The following MYO3B variants were observed in gnomAD, a reference collection of about 807,000 sequenced individuals.
MYO3B encodes myosin IIIB.
In MYO3B, 156 loss-of-function variants were observed where a neutral mutation model predicts 174.6. The observed-to-expected ratio is 0.89, with a 90% CI of 0.78 to 1.02. MYO3B has a LOEUF of 1.02. MYO3B is among the 50% of genes least tolerant of loss of function. The pLI is 0.00. For missense variants in MYO3B, 1,632 were observed against 1,639.4 expected, an observed-to-expected ratio of 1.00 and a Z score of 0.08; for synonymous variants, 563 against 569.1, an observed-to-expected ratio of 0.99 and a Z score of 0.15.
intron 18 of MYO3B, among the ~76,000 whole-genome samples, chr2:170,402,086 C>T (rs1264198362): frequency 6.6e-6 from 1 of 152,212 alleles, no homozygotes; most frequent in Admixed American, 6.5e-5. Context: ...ATAGTCTTGG[C>T]TGGGAGCTGG....
At chr2:170,455,222 G>A (rs529196540) in intron 23 of MYO3B, among the ~76,000 whole-genome samples, 1 of 152,326 alleles carries the variant, frequency 6.6e-6, no homozygotes, top group Non-Finnish European at 1.5e-5. Context: ...TTTGTTTTGG[G>A]AAAGGGCTGT....
Position 170,400,254 on chromosome 2 carries a change from A to T in MYO3B, c.1858A>T (p.Ile620Phe). The T allele has an allele frequency of 6.2e-7, 1 of 1,614,048 alleles. No homozygotes were observed. The change falls in exon 17 of 35, where the codon ATT becomes TTT. Residue 620 changes from isoleucine (I) to phenylalanine (F), a missense_variant. Transcript: ENST00000408978. Reference protein sequence around the residue: ...LNIGNIEFAAISSQHQTDKSE... With the variant: ...LNIGNIEFAAFSSQHQTDKSE... ...TATTGGGAACATTGAGTTCGCAGCT[A>T]TTTCCTCTCAACATCAGACTGATAA... is the stretch of plus-strand genomic sequence containing the variant.
intron 7 of MYO3B, among the ~76,000 whole-genome samples, chr2:170,272,888 A>G (rs759713048): frequency 2.6e-5 from 4 of 152,218 alleles, no homozygotes; most frequent in Admixed American, 1.3e-4. Context: ...CTATTCTGGT[A>G]TAATGAACAG....
chr2:170,435,456 T>A (rs923323309), intron 22 of MYO3B, among the ~76,000 whole-genome samples: 1 of 152,158 alleles, frequency 6.6e-6, no homozygotes, highest in South Asian at 2.1e-4. Context: ...TGCCTGGGCT[T>A]GGAGACTCCT....
intron 7 of MYO3B, 103 bp from the exon 8 acceptor site, chr2:170,335,282 A>C: frequency 1.1e-6 from 1 of 883,374 alleles, no homozygotes; most frequent in Non-Finnish European, 1.8e-6. Context: ...GAACAAACAG[A>C]TTTTATTAGA....
chr2:170,228,650 C>T (rs1200107957), intron 6 of MYO3B, among the ~76,000 whole-genome samples: 2 of 152,120 alleles, frequency 1.3e-5, no homozygotes, highest in Non-Finnish European at 1.5e-5. Flanking sequence ...CTCTTCTACC[C>T]TCCACTAGCT....
chr2:170,274,442 GA>G (rs2093448517), intron 7 of MYO3B, among the ~76,000 whole-genome samples: 1 of 152,172 alleles, frequency 6.6e-6, no homozygotes, highest in African/African-American at 2.4e-5. Context: ...TTAGCACAAG[GA>G]TTCTACTCAC....
At position 170,432,170 on chromosome 2, in the gene MYO3B, T is replaced by G. The variant is rs180779606; in HGVS notation, c.2651-11797T>G. On this transcript the variant is annotated intron_variant, in intron 22 of 34. Transcript: ENST00000408978. ...TACTTATTTTTTTTTAAGTTAACTATAAAACTGCCTCAGGCAGGTTCTTTA... is the reference window on the plus strand; with the variant it reads ...TACTTATTTTTTTTTAAGTTAACTAGAAAACTGCCTCAGGCAGGTTCTTTA... Among the ~76,000 whole-genome samples the G allele has an allele frequency of 7.4e-3, 1,131 of 152,322 alleles. 22 individuals are homozygous for G. The highest frequency in any genetic ancestry group is 0.025 in the African/African-American group (1,055 of 41,568).
At chr2:170,234,681 A>T (rs952068378) in intron 6 of MYO3B, among the ~76,000 whole-genome samples, 1 of 152,092 alleles carries the variant, frequency 6.6e-6, no homozygotes, top group African/African-American at 2.4e-5. Flanking sequence ...TCCACTCTTC[A>T]CCCCAAACCT....
intron 32 of MYO3B, among the ~76,000 whole-genome samples, chr2:170,563,305 C>G (rs944317739): frequency 4.0e-5 from 6 of 151,458 alleles, no homozygotes; most frequent in African/African-American, 1.2e-4. Flanking sequence ...CTCCAAGGAC[C>G]AATGAGAGTA....
intron 30 of MYO3B, among the ~76,000 whole-genome samples, chr2:170,522,283 A>G (rs1688716775): frequency 6.6e-6 from 1 of 151,992 alleles, no homozygotes; most frequent in South Asian, 2.1e-4. Flanking sequence ...ACACACCAAG[A>G]CTTCAACAGA....
At chr2:170,529,795 A>G (rs1212328678) in intron 30 of MYO3B, among the ~76,000 whole-genome samples, 1 of 152,248 alleles carries the variant, frequency 6.6e-6, no homozygotes, top group Non-Finnish European at 1.5e-5. Context: ...AACTTTATAT[A>G]AGAGTGCTTC....
At chr2:170,256,128 T>C (rs2093302289) in intron 7 of MYO3B, among the ~76,000 whole-genome samples, 1 of 152,164 alleles carries the variant, frequency 6.6e-6, no homozygotes, top group African/African-American at 2.4e-5. Context: ...CTTTGAGAAA[T>C]AGATTCTCTA....
At chr2:170,309,638 G>T (rs1455989589) in intron 7 of MYO3B, among the ~76,000 whole-genome samples, 2 of 152,148 alleles carry the variant, frequency 1.3e-5, no homozygotes, top group African/African-American at 2.4e-5. Flanking sequence ...CCCCAGTCCA[G>T]TGCCTGCTCC....
intron 5 of MYO3B, among the ~76,000 whole-genome samples, chr2:170,216,761 C>T (rs1183997348): frequency 6.6e-6 from 1 of 152,056 alleles, no homozygotes; most frequent in African/African-American, 2.4e-5. Flanking sequence ...TAAAATGAAG[C>T]CCCTTATTAA....
At chr2:170,339,201 G>A (rs2093963067) in intron 8 of MYO3B, among the ~76,000 whole-genome samples, 1 of 152,150 alleles carries the variant, frequency 6.6e-6, no homozygotes, top group Non-Finnish European at 1.5e-5. Flanking sequence ...TGATTATCTG[G>A]TAATTTTAGG....
At chr2:170,250,311 T>C (rs2093237585) in intron 7 of MYO3B, among the ~76,000 whole-genome samples, 1 of 152,240 alleles carries the variant, frequency 6.6e-6, no homozygotes. Context: ...AGGAAGTAGT[T>C]ACTGGACCAT....
intron 32 of MYO3B, among the ~76,000 whole-genome samples, chr2:170,624,635 T>A (rs1696244396): frequency 6.6e-6 from 1 of 152,236 alleles, no homozygotes; most frequent in Non-Finnish European, 1.5e-5. Flanking sequence ...GGCATCCTTG[T>A]CTTGTGCCAG....
At chr2:170,627,221 C>T (rs1043122966) in intron 32 of MYO3B, among the ~76,000 whole-genome samples, 1 of 152,212 alleles carries the variant, frequency 6.6e-6, no homozygotes, top group Non-Finnish European at 1.5e-5. Flanking sequence ...TTCACATAGT[C>T]CCCTATTTCT....
Sources: allele counts gnomAD v4.1 joint callset (sites outside exome capture counted in the v4.1 genomes callset), GRCh38; gene constraint gnomAD v4.1.1; transcripts MANE v1.5; gene names NCBI Gene and HGNC (gene_info 2026-07-23, HGNC 2026-07-21).